The following NCK2 variants were observed in gnomAD, a reference collection of about 807,000 sequenced individuals.
NCK2 encodes the protein NCK adaptor protein 2.
In NCK2, 16 loss-of-function variants were observed where a neutral mutation model predicts 33.9. That is an observed-to-expected ratio of 0.47 (90% CI 0.32 to 0.72). NCK2 has a LOEUF of 0.72. Ranked by LOEUF, NCK2 falls within the 30% of genes least tolerant of loss-of-function variation. NCK2 has a pLI of 0.03. For missense variants in NCK2, 418 were observed against 537.3 expected (o/e 0.78, Z 2.19); for synonymous variants, 273 against 239.9 (o/e 1.14, Z -1.27).
intron 3 of NCK2, among the ~76,000 whole-genome samples, chr2:105,873,898 A>G (rs939714850): frequency 2.0e-5 from 3 of 152,086 alleles, no homozygotes; most frequent in Non-Finnish European, 4.4e-5. Flanking sequence ...ATGTCCTCCT[A>G]GGGACGGTAT....
Position 105,825,956 on chromosome 2 carries a change from A to G in NCK2, c.-17+9343A>G, listed in dbSNP as rs1226636526. On this transcript the variant is annotated intron_variant, in intron 2 of 4. Coordinates refer to ENST00000233154, the MANE Select transcript of NCK2 (RefSeq NM_003581.5). Reference sequence around the variant, plus strand: ...TCTTGATGGAGATTCTGATTAACCAAAGTGATTGCATTACATCCTTTATAA... The same window carrying G: ...TCTTGATGGAGATTCTGATTAACCAGAGTGATTGCATTACATCCTTTATAA... 3.3e-5 allele frequency among the ~76,000 whole-genome samples: 5 copies of G among 152,168 alleles called. No homozygotes were observed. In the East Asian group the frequency reaches 9.6e-4, roughly 29 times the overall value.
intron 1 of NCK2, among the ~76,000 whole-genome samples, chr2:105,788,313 T>A (rs1690752897): frequency 6.6e-6 from 1 of 152,200 alleles, no homozygotes. Flanking sequence ...TTAAAGCCAT[T>A]GCTTAAAAGT....
chr2:105,805,168 A>G (rs1223418927), intron 1 of NCK2, among the ~76,000 whole-genome samples: 1 of 152,186 alleles, frequency 6.6e-6, no homozygotes, highest in Non-Finnish European at 1.5e-5. Flanking sequence ...CCGGTCTCCT[A>G]GAAGAGAGCA....
intron 1 of NCK2, among the ~76,000 whole-genome samples, chr2:105,765,550 T>C (rs965032305): frequency 9.2e-5 from 14 of 152,168 alleles, no homozygotes; most frequent in African/African-American, 3.4e-4. Context: ...AGGGTGACTT[T>C]AGTTTTTGTT....
intron 1 of NCK2, among the ~76,000 whole-genome samples, chr2:105,803,065 G>T (rs1252707947): frequency 1.3e-5 from 2 of 152,278 alleles, no homozygotes; most frequent in East Asian, 3.9e-4. Flanking sequence ...TTTTCAAATT[G>T]ATGGTTTTCC....
At chr2:105,756,894 C>A (rs1007914215) in intron 1 of NCK2, among the ~76,000 whole-genome samples, 1 of 152,188 alleles carries the variant, frequency 6.6e-6, no homozygotes, top group African/African-American at 2.4e-5. Context: ...AACCTCCCCC[C>A]TCCTGGGTTC....
At chr2:105,821,233 G>A (rs1161250513) in intron 2 of NCK2, among the ~76,000 whole-genome samples, 34 of 152,128 alleles carry the variant, frequency 2.2e-4, no homozygotes, top group Admixed American at 2.2e-3. Flanking sequence ...GGAGATTGCT[G>A]GTAGCTGACT....
intron 1 of NCK2, among the ~76,000 whole-genome samples, chr2:105,780,374 A>G (rs1338300969): frequency 1.3e-5 from 2 of 151,410 alleles, no homozygotes; most frequent in Non-Finnish European, 2.9e-5. Flanking sequence ...ATTCATCTAA[A>G]GGACACACAC....
chr2:105,827,869 G>T (rs1462658963), intron 2 of NCK2, among the ~76,000 whole-genome samples: 1 of 152,192 alleles, frequency 6.6e-6, no homozygotes, highest in Non-Finnish European at 1.5e-5. Flanking sequence ...TTTCTGTGAT[G>T]ATGAAATAGT....
chr2:105,809,009 C>A (rs1341116967), intron 1 of NCK2, among the ~76,000 whole-genome samples: 1 of 152,182 alleles, frequency 6.6e-6, no homozygotes, highest in Non-Finnish European at 1.5e-5. Context: ...CATCACAATT[C>A]AAATGCAAAA....
rs538627211 is a variant in NCK2, at chr2:105,755,415, A to T, written c.-201+10277A>T. ...GTTGAATTTGTTGCTTCTTAACTTG[A>T]TTGTGCCGAGCACCTCATCCCTCAG... On this transcript the variant is annotated intron_variant, in intron 1 of 4. Coordinates refer to ENST00000233154, the MANE Select transcript of NCK2 (RefSeq NM_003581.5). 1.4e-4 allele frequency among the ~76,000 whole-genome samples: 21 copies of T among 151,182 alleles called. No individual in the cohort carries two copies. In the East Asian group the frequency reaches 4.1e-3, roughly 29 times the overall value.
chr2:105,781,190 G>T (rs1690485005), intron 1 of NCK2, among the ~76,000 whole-genome samples: 1 of 147,118 alleles, frequency 6.8e-6, no homozygotes, highest in Non-Finnish European at 1.5e-5. Flanking sequence ...TGTTGTCAAA[G>T]CACCTTTAAA....
intron 1 of NCK2, among the ~76,000 whole-genome samples, chr2:105,760,111 C>A (rs185496595): frequency 5.3e-5 from 8 of 152,244 alleles, no homozygotes; most frequent in Admixed American, 2.0e-4. Flanking sequence ...AGAGGGAGTT[C>A]AGCTGTACCT....
In NCK2 at chr2:105,807,480, T is replaced by C. The variant is rs577026610; in HGVS notation, c.-200-8950T>C. 3.9e-5 allele frequency among the ~76,000 whole-genome samples: 6 copies of C among 152,268 alleles called. No individual in the cohort carries two copies. In the South Asian group the frequency reaches 1.0e-3, roughly 26 times the overall value. On this transcript the variant is annotated intron_variant, in intron 1 of 4. Coordinates refer to ENST00000233154, the MANE Select transcript of NCK2 (RefSeq NM_003581.5). ...ATTATTTAGTAGCATACAGCTGATATCTATGTAATTTGAGAAGTGTAAAAA... is the reference window on the plus strand; with the variant it reads ...ATTATTTAGTAGCATACAGCTGATACCTATGTAATTTGAGAAGTGTAAAAA...
At chr2:105,797,213 A>G (rs1691110794) in intron 1 of NCK2, among the ~76,000 whole-genome samples, 1 of 152,180 alleles carries the variant, frequency 6.6e-6, no homozygotes, top group Non-Finnish European at 1.5e-5. Context: ...TCAGGATCTT[A>G]GAAAGGACAC....
intron 1 of NCK2, among the ~76,000 whole-genome samples, chr2:105,783,594 A>G (rs1690573340): frequency 6.6e-6 from 1 of 152,198 alleles, no homozygotes; most frequent in Non-Finnish European, 1.5e-5. Flanking sequence ...CCGTTCGCGG[A>G]GAATAATGGT....
rs945649270 is a variant in NCK2 at position 105,875,962 on chromosome 2, CT to C, written c.227-5357del. Among the ~76,000 whole-genome samples, 11 of 151,064 alleles carry C rather than the reference CT, an allele frequency of 7.3e-5. No homozygotes were observed. The East Asian group carries it at 1.4e-3, about 19-fold the overall frequency. ...AGCATGTCTATGAAACAGCATCTTG[CT>C]TTTTTTTTAGTTACTTTCATTCTTT... is the stretch of plus-strand genomic sequence containing the variant. On this transcript the variant is annotated intron_variant, in intron 3 of 4. Coordinates refer to ENST00000233154, the MANE Select transcript of NCK2 (RefSeq NM_003581.5).
intron 4 of NCK2, among the ~76,000 whole-genome samples, chr2:105,887,323 G>A (rs1255899219): frequency 6.6e-6 from 1 of 152,210 alleles, no homozygotes; most frequent in Non-Finnish European, 1.5e-5. Context: ...CTGTAAAGAA[G>A]TAAAAGGGGA....
At chr2:105,859,620 A>T (rs991922513) in intron 3 of NCK2, among the ~76,000 whole-genome samples, 2 of 152,186 alleles carry the variant, frequency 1.3e-5, no homozygotes, top group Non-Finnish European at 2.9e-5. Context: ...ATGCTTTTGG[A>T]TGGGGACAGG....
Sources: allele counts gnomAD v4.1 joint callset (sites outside exome capture counted in the v4.1 genomes callset), GRCh38; gene constraint gnomAD v4.1.1; transcripts MANE v1.5; gene names NCBI Gene and HGNC (gene_info 2026-07-23, HGNC 2026-07-21).